ERC1: variants seen among roughly 807,000 people sequenced by gnomAD.
ERC1 encodes the protein RAB6 interacting protein 2.
In ERC1, 56 loss-of-function variants were observed where a neutral mutation model predicts 132.0. The ratio of observed to expected loss-of-function variants is 0.42; its 90% CI spans 0.34 to 0.53. The LOEUF (loss-of-function observed/expected upper bound fraction) is 0.53. Among genes scored for constraint, ERC1 ranks in the 20% least tolerant of loss-of-function variants. The pLI, the probability that ERC1 is intolerant of heterozygous loss-of-function variation, is 0.03. For missense variants in ERC1, 1,202 were observed against 1,349.9 expected, an observed-to-expected ratio of 0.89 and a Z score of 1.72; for synonymous variants, 478 against 476.1, an observed-to-expected ratio of 1.00 and a Z score of -0.05.
At chr12:1,335,808 C>G (rs568612544) in intron 15 of ERC1, among the ~76,000 whole-genome samples, 1 of 152,140 alleles carries the variant, frequency 6.6e-6, no homozygotes, top group South Asian at 2.1e-4. Context: ...TGGTACCAGC[C>G]CTTCTTTGTA....
chr12:1,388,571 G>C (rs2089642541), intron 16 of ERC1, among the ~76,000 whole-genome samples: 1 of 152,146 alleles, frequency 6.6e-6, no homozygotes, highest in South Asian at 2.1e-4. Flanking sequence ...ACAATGCTGA[G>C]AGTAGCTTGG....
At chr12:1,094,835 G>A (rs1943804476) in intron 3 of ERC1, among the ~76,000 whole-genome samples, 1 of 152,090 alleles carries the variant, frequency 6.6e-6, no homozygotes, top group African/African-American at 2.4e-5. Context: ...GTGACACTGG[G>A]CAAGTTAAGA....
intron 12 of ERC1, among the ~76,000 whole-genome samples, chr12:1,199,508 C>A (rs567414446): frequency 1.3e-5 from 2 of 152,236 alleles, no homozygotes; most frequent in East Asian, 3.9e-4. Flanking sequence ...CGGTGGTTCA[C>A]GCCTGTAATC....
At chr12:1,437,505 C>G (rs2092982427) in intron 17 of ERC1, among the ~76,000 whole-genome samples, 1 of 152,220 alleles carries the variant, frequency 6.6e-6, no homozygotes, top group Non-Finnish European at 1.5e-5. Context: ...GATGTCCTTC[C>G]CTTACTAGTA....
intron 12 of ERC1, among the ~76,000 whole-genome samples, chr12:1,217,348 G>A (rs904347933): frequency 2.0e-5 from 3 of 152,156 alleles, no homozygotes; most frequent in African/African-American, 4.8e-5. Context: ...TGTACCAGCA[G>A]TACTAGATTC....
Position 1,421,980 on chromosome 12 carries a change from C to T in ERC1, c.3024+13733C>T, listed in dbSNP as rs150553315. 5.1e-3 allele frequency among the ~76,000 whole-genome samples: 771 copies of T among 152,274 alleles called. 8 individuals carry two copies. The highest frequency in any genetic ancestry group is 0.018 in the African/African-American group (756 of 41,580). ...GGCAGAGGTTGTAGTAAGCCGAGAT[C>T]ATGCCATTGCACTCCAGCCTGGCAA... On this transcript the variant is annotated intron_variant, in intron 17 of 18. Coordinates refer to ENST00000360905, the MANE Select transcript of ERC1 (RefSeq NM_178040.4).
chr12:1,467,785 T>G (rs1409423971), intron 18 of ERC1, among the ~76,000 whole-genome samples: 9 of 152,054 alleles, frequency 5.9e-5, no homozygotes, highest in Non-Finnish European at 1.0e-4. Context: ...CATTTGGGAG[T>G]GATGGGAGAC....
intron 18 of ERC1, among the ~76,000 whole-genome samples, chr12:1,483,339 T>C (rs1449232050): frequency 1.3e-5 from 2 of 152,162 alleles, no homozygotes; most frequent in African/African-American, 4.8e-5. Flanking sequence ...CGTGGTCTGT[T>C]GAGACCGGCT....
rs2094345096 is a variant in ERC1 at position 1,494,634 on chromosome 12, T to G, written c.*4404T>G. ...TGTTGTAGGTACTTCTCCTGACTCT[T>G]GGGGGAGAAGTGGTTTTAGGGATTG... On this transcript the variant is annotated 3_prime_UTR_variant, in exon 19 of 19. Coordinates refer to ENST00000360905, the MANE Select transcript of ERC1 (RefSeq NM_178040.4). 4.3e-6 allele frequency: 1 copy of G among 230,774 alleles called. No homozygotes were observed. The allele number at this position is 230,774 out of a possible 1,614,324, so 14.3% of individuals were successfully genotyped here.
At chr12:1,418,617 TTCTTTCTTTCTTTCTTTCTTTCTTTCTC>T (rs2092262285) in intron 17 of ERC1, among the ~76,000 whole-genome samples, 2 of 112,844 alleles carry the variant, frequency 1.8e-5, no homozygotes, top group African/African-American at 1.1e-4. Context: ...CTTTCTTTCT[TTCTTTCTTTCTTTCTTTCTTTCTTTCTC>T]TCTCTCTCTC....
Position 1,115,997 on chromosome 12 carries a change from T to C in ERC1, c.1533T>C (p.Thr511=). The change falls in exon 7 of 19, where the codon ACT becomes ACC. Residue 511 remains threonine (T), a synonymous_variant. Coordinates refer to ENST00000360905, the MANE Select transcript of ERC1 (RefSeq NM_178040.4). ...QHIEVLKESL[T]AKEQRAAILQ... ...TTGAAGTGTTGAAGGAGTCCTTGACTGCTAAGGAGCAGAGGGCTGCCATCC... is the reference window on the plus strand; with the variant it reads ...TTGAAGTGTTGAAGGAGTCCTTGACCGCTAAGGAGCAGAGGGCTGCCATCC... 1 of 1,613,910 alleles carries C rather than the reference T, an allele frequency of 6.2e-7. No individual in the cohort carries two copies.
rs150838555 is a variant in ERC1 at position 1,173,349 on chromosome 12, T to C, written c.1738-7191T>C. The stretch of plus-strand genomic sequence containing the variant: ...TTTTAAGTGTTGGCTGCTTCTGTAA[T>C]CTACCTCCCCACCACCACTGTTAGA... On this transcript the variant is annotated intron_variant, in intron 8 of 18. Transcript: ENST00000360905. 3.2e-3 allele frequency among the ~76,000 whole-genome samples: 483 copies of C among 152,326 alleles called. 3 individuals are homozygous for C. The highest frequency in any genetic ancestry group is 0.01 in the African/African-American group (431 of 41,584).
At chr12:1,360,029 T>C (rs915212241) in intron 15 of ERC1, among the ~76,000 whole-genome samples, 1 of 152,208 alleles carries the variant, frequency 6.6e-6, no homozygotes, top group Non-Finnish European at 1.5e-5. Flanking sequence ...GATTTTATTC[T>C]AAACAGTAAA....
At chr12:1,441,412 CAT>C (rs1441296477) in intron 17 of ERC1, among the ~76,000 whole-genome samples, 3 of 152,180 alleles carry the variant, frequency 2.0e-5, no homozygotes, top group Non-Finnish European at 4.4e-5. Flanking sequence ...CATCCGCAGT[CAT>C]AGTGGTTGTA....
At chr12:1,244,497 G>GGTTGGTTT (rs768556575) in intron 13 of ERC1, 5 of 442,274 alleles carry the variant, frequency 1.1e-5, no homozygotes, top group Admixed American at 4.8e-5. Context: ...TGTACTTAAT[G>GGTTGGTTT]GTTTGTTTGT....
intron 8 of ERC1, among the ~76,000 whole-genome samples, chr12:1,154,745 A>C (rs1350793640): frequency 6.6e-6 from 1 of 152,172 alleles, no homozygotes; most frequent in Non-Finnish European, 1.5e-5. Flanking sequence ...AAATGGGCAA[A>C]TAGCATGAAT....
At chr12:1,415,299 G>T (rs140158186) in intron 17 of ERC1, among the ~76,000 whole-genome samples, 1 of 152,320 alleles carries the variant, frequency 6.6e-6, no homozygotes, top group Non-Finnish European at 1.5e-5. Flanking sequence ...CTACCAAGGG[G>T]CTTAAAAGTT....
intron 18 of ERC1, among the ~76,000 whole-genome samples, chr12:1,461,480 C>A (rs986015200): frequency 6.6e-6 from 1 of 151,926 alleles, no homozygotes; most frequent in African/African-American, 2.4e-5. Flanking sequence ...CCAGCCTGGC[C>A]AATGTGGGAA....
chr12:1,281,747 CT>C (rs1425642011), intron 14 of ERC1, among the ~76,000 whole-genome samples: 3 of 152,160 alleles, frequency 2.0e-5, no homozygotes, highest in Admixed American at 2.0e-4. Context: ...TAATATTCTG[CT>C]GAAAAGATAG....
Sources: allele counts gnomAD v4.1 joint callset (sites outside exome capture counted in the v4.1 genomes callset), GRCh38; gene constraint gnomAD v4.1.1; transcripts MANE v1.5; gene names NCBI Gene and HGNC (gene_info 2026-07-23, HGNC 2026-07-21).